SNX21: variants seen among roughly 807,000 people sequenced by gnomAD.
SNX21 encodes sorting nexin family member 21.
SNX21 carries 36 observed loss-of-function variants against 30.9 expected under a neutral mutation model. The ratio of observed to expected loss-of-function variants is 1.16; its 90% CI spans 0.89 to 1.54. The LOEUF is 1.54. Among genes scored for constraint, SNX21 ranks in the 40% most tolerant of loss-of-function variants. The pLI is 0.00. For missense variants in SNX21, 508 were observed against 516.5 expected, an observed-to-expected ratio of 0.98 and a Z score of 0.16; for synonymous variants, 218 against 222.7, an observed-to-expected ratio of 0.98 and a Z score of 0.19.
At chr20:45,838,610 C>T (rs774052427) in intron 3 of SNX21, among the ~76,000 whole-genome samples, 7 of 151,698 alleles carry the variant, frequency 4.6e-5, no homozygotes, top group Admixed American at 6.6e-5. Flanking sequence ...AAAAATTAGC[C>T]GGATGTGGTG....
Position 45,842,894 on chromosome 20 carries a change from T to C in SNX21, c.*1581T>C, listed in dbSNP as rs1433631113. On this transcript the variant is annotated 3_prime_UTR_variant, in exon 4 of 4. Coordinates refer to ENST00000491381, the MANE Select transcript of SNX21 (RefSeq NM_033421.4). ...CTTGGTTTATCAAGCAAAGCTTTTC[T>C]TCATTTGAAATGTACTCCCTTGGAA... 1.0e-6 allele frequency: 1 copy of C among 998,616 alleles called. No individual in the cohort carries two copies. Among genetic ancestry groups the C allele is most frequent in the Non-Finnish European group, 1.2e-6 (1 of 837,060 alleles). 61.9% of individuals were successfully genotyped at this position (998,616 alleles called of 1,614,324 possible). A position where few individuals can be genotyped will look rare whatever the true frequency, so the allele number is the denominator to read the frequency against.
intron 1 of SNX21, 85 bp downstream of exon 1, chr20:45,834,025 TG>T: frequency 7.0e-7 from 1 of 1,423,578 alleles, no homozygotes; most frequent in Non-Finnish European, 9.2e-7. Context: ...CTGAGTGGGT[TG>T]GGGGGAAAGC....
rs959690355 is a variant in SNX21, at chr20:45,834,461, A to C, written c.282A>C (p.Glu94Asp). 1.2e-6 allele frequency: 2 copies of C among 1,603,020 alleles called. No individual in the cohort carries two copies. The highest frequency in any genetic ancestry group is 1.3e-5 in the African/African-American group (1 of 74,878). The change falls in exon 2 of 4, where the codon GAA (glutamate) becomes GAC (aspartate). Residue 94 changes from glutamate (E) to aspartate (D), a missense_variant. Physicochemically the swap from Glu to Asp is conservative, Grantham distance 45. Transcript: ENST00000491381. The part of the protein sequence containing the change: ...QLPLGDGTSG[E>D]DAERSPPPDG... Reference sequence around the variant, plus strand: ...CCCTCGGGGATGGGACGTCAGGAGAAGACGCAGGCGAGTGCAGGAGGACGG... The same window carrying C: ...CCCTCGGGGATGGGACGTCAGGAGACGACGCAGGCGAGTGCAGGAGGACGG...
chr20:45,841,017 C>T lies in SNX21; in HGVS notation c.826C>T (p.Pro276Ser). ...GCAGCTGCAAGCCCAGCTGGGCACCCCCTCTGGCCCAGACCGCCCCCTGCT... is the reference window on the plus strand; with the variant it reads ...GCAGCTGCAAGCCCAGCTGGGCACCTCCTCTGGCCCAGACCGCCCCCTGCT... Reference protein sequence around the residue: ...AWQLQAQLGTPSGPDRPLLTL... With the variant: ...AWQLQAQLGTSSGPDRPLLTL... The change falls in exon 4 of 4, where the codon CCC (proline) becomes TCC (serine). Residue 276 changes from proline to serine, a missense_variant. Transcript: ENST00000491381. The T allele has an allele frequency of 6.2e-7, 1 of 1,609,546 alleles. No individual in the cohort carries two copies. The highest frequency in any genetic ancestry group is 1.1e-5 in the South Asian group (1 of 90,776).
At position 45,843,018 on chromosome 20, in the gene SNX21, C is replaced by T; in HGVS notation, c.*1705C>T. 9.1e-7 allele frequency: 1 copy of T among 1,099,870 alleles called. No homozygotes were observed. Among genetic ancestry groups the T allele is most frequent in the Non-Finnish European group, 1.1e-6 (1 of 896,180 alleles). The allele number at this position is 1,099,870 out of a possible 1,614,324, so 68.1% of individuals were successfully genotyped here. A position where few individuals can be genotyped will look rare whatever the true frequency, so the allele number is the denominator to read the frequency against. On this transcript the variant is annotated 3_prime_UTR_variant, in exon 4 of 4. Coordinates refer to ENST00000491381, the MANE Select transcript of SNX21 (RefSeq NM_033421.4). ...AGGCCCTTAGGGACCACTGAATGCC[C>T]CGATCCCAATCAGGTTAATCAGAAT...
chr20:45,833,876 G>A lies in SNX21; in HGVS notation c.-44G>A. ...AGAACCCGGCCGACCTCCATGGGCT[G>A]CGGGGGGCTGCACCCGGACCCCTGG... On this transcript the variant is annotated 5_prime_UTR_variant, in exon 1 of 4. Coordinates refer to ENST00000491381, the MANE Select transcript of SNX21 (RefSeq NM_033421.4). 7.5e-7 allele frequency: 1 copy of A among 1,337,960 alleles called. No individual in the cohort carries two copies. The highest frequency in any genetic ancestry group is 3.9e-5 in the Admixed American group (1 of 25,506). The allele number at this position is 1,337,960 out of a possible 1,614,324, so 82.9% of individuals were successfully genotyped here.
intron 3 of SNX21, chr20:45,840,378 G>C: frequency 6.2e-7 from 1 of 1,614,032 alleles, no homozygotes; most frequent in Non-Finnish European, 8.5e-7. Context: ...AAAAGGGGCA[G>C]CAGCCCCGGG....
Position 45,840,846 on chromosome 20 carries a change from T to C in SNX21, c.655T>C (p.Phe219Leu), listed in dbSNP as rs766802909. 1 of 1,613,674 alleles carries C rather than the reference T, an allele frequency of 6.2e-7. No individual in the cohort carries two copies. Among genetic ancestry groups the C allele is most frequent in the Non-Finnish European group, 8.5e-7 (1 of 1,180,006 alleles). ...IARRSRAFEQ[F>L]LGHLQAVPEL... ...CCGCCGTAGCCGGGCCTTTGAGCAG[T>C]TTTTGGGTCACCTGCAGGCAGTGCC... The change falls in exon 4 of 4, where the codon TTT becomes CTT. Residue 219 changes from phenylalanine to leucine, a missense_variant. Phe to Leu is a conservative substitution (Grantham distance 22). Transcript: ENST00000491381.
Position 45,841,291 on chromosome 20 carries a change from T to A in SNX21, c.1100T>A (p.Leu367His). 6.3e-7 allele frequency: 1 copy of A among 1,575,370 alleles called. No individual in the cohort carries two copies. The highest frequency in any genetic ancestry group is 8.6e-7 in the Non-Finnish European group (1 of 1,163,830). ...PTPPPSLKEL[L>H]IKEVLD ...CCACCCCCCAGTCTCAAAGAATTGC[T>A]CATCAAGGAGGTGCTGGACTAACCC... Residue 367 changes from leucine to histidine, a missense_variant, in exon 4 of 4, where the codon CTC (leucine) becomes CAC (histidine). By Grantham distance (99) the Leu-to-His change is moderately conservative (BLOSUM62 -3). Transcript: ENST00000491381.
intron 3 of SNX21, among the ~76,000 whole-genome samples, chr20:45,839,295 C>T (rs1467943298): frequency 6.6e-6 from 1 of 152,092 alleles, no homozygotes; most frequent in East Asian, 1.9e-4. Flanking sequence ...GCGGGCGGAT[C>T]ACAAGGTCAG....
At chr20:45,838,754 TAAATA>T (rs1212347811) in intron 3 of SNX21, among the ~76,000 whole-genome samples, 1 of 151,816 alleles carries the variant, frequency 6.6e-6, no homozygotes, top group African/African-American at 2.4e-5. Context: ...ACTAAATAAA[TAAATA>T]AAGTAAATAA....
chr20:45,836,675 G>A (rs893296852), intron 3 of SNX21, among the ~76,000 whole-genome samples: 1 of 152,024 alleles, frequency 6.6e-6, no homozygotes, highest in African/African-American at 2.4e-5. Context: ...CAATGATGAA[G>A]TCTGAAGTGG....
intron 3 of SNX21, chr20:45,840,075 G>T (rs1161566892): frequency 2.2e-6 from 2 of 901,410 alleles, no homozygotes; most frequent in South Asian, 5.1e-5. Flanking sequence ...CCCAGAGGGG[G>T]ACTCCCTTGC....
chr20:45,839,636 T>G (rs892460586), intron 3 of SNX21, among the ~76,000 whole-genome samples: 14 of 152,126 alleles, frequency 9.2e-5, no homozygotes, highest in African/African-American at 3.4e-4. Context: ...ATGCCTGTAA[T>G]CTTAGCACTT....
At position 45,834,201 on chromosome 20, in the gene SNX21, G is replaced by T. The variant is rs779404871; in HGVS notation, c.22G>T (p.Gly8Cys). Residue 8 changes from glycine to cysteine, a missense_variant and splice_region_variant, in exon 2 of 4, where the codon GGT becomes TGT. Physicochemically the swap from Gly to Cys is radical, Grantham distance 159. Coordinates refer to ENST00000491381, the MANE Select transcript of SNX21 (RefSeq NM_033421.4). Reference sequence around the variant, plus strand: ...ACACAGCGTCGCGCGCTCCCCCCAGGGTGCCATGGCCTCCCGGCTCCTGCA... The same window carrying T: ...ACACAGCGTCGCGCGCTCCCCCCAGTGTGCCATGGCCTCCCGGCTCCTGCA... MHRGTQEGAMASRLLHRL... is the reference protein window; with the variant it reads MHRGTQECAMASRLLHRL... 17 of 1,513,032 alleles carry T rather than the reference G, an allele frequency of 1.1e-5. No homozygotes were observed. The highest frequency in any genetic ancestry group is 1.0e-4 in the South Asian group (8 of 77,102). 93.7% of individuals were successfully genotyped at this position (1,513,032 alleles called of 1,614,324 possible). A position where few individuals can be genotyped will look rare whatever the true frequency, so the allele number is the denominator to read the frequency against.
rs1983992239 is a variant in SNX21 at position 45,840,644 on chromosome 20, C to T, written c.453C>T (p.Tyr151=). The stretch of plus-strand genomic sequence containing the variant: ...GACACCCACCCTCCCTGCAGCTCTA[C>T]ACCCTCGCCGTGATCGGCCCAGGAC... ...VKDPPSKYVL[Y]TLAVIGPGPP... is the part of the protein sequence containing the mutation. Residue 151 remains tyrosine, a synonymous_variant, in exon 4 of 4, where the codon TAC becomes TAT. Coordinates refer to ENST00000491381, the MANE Select transcript of SNX21 (RefSeq NM_033421.4). 2 of 1,614,186 alleles carry T rather than the reference C, an allele frequency of 1.2e-6. No homozygotes were observed. Among genetic ancestry groups the T allele is most frequent in the South Asian group, 2.2e-5 (2 of 91,088 alleles).
At chr20:45,834,010 C>A in intron 1 of SNX21, 70 bp downstream of exon 1, 1 of 1,431,060 alleles carries the variant, frequency 7.0e-7, no homozygotes, top group Non-Finnish European at 9.1e-7. Flanking sequence ...GAACGCGGTC[C>A]TAGGCTGAGT....
rs1365218537 is a variant in SNX21 at position 45,834,443 on chromosome 20, G to T, written c.264G>T (p.Gly88=). The change falls in exon 2 of 4, where the codon GGG becomes GGT. Residue 88 remains glycine (G), a synonymous_variant. Transcript: ENST00000491381. ...EEAGPDQLPL[G]DGTSGEDAER... Reference sequence around the variant, plus strand: ...CTGGCCCTGACCAGCTGCCCCTCGGGGATGGGACGTCAGGAGAAGACGCAG... The same window carrying T: ...CTGGCCCTGACCAGCTGCCCCTCGGTGATGGGACGTCAGGAGAAGACGCAG... 3.1e-6 allele frequency: 5 copies of T among 1,605,802 alleles called. No homozygotes were observed. The African/African-American group carries it at 5.3e-5, about 17-fold the overall frequency.
In SNX21 at chr20:45,834,204, G is replaced by T; in HGVS notation, c.25G>T (p.Ala9Ser). Reference sequence around the variant, plus strand: ...CAGCGTCGCGCGCTCCCCCCAGGGTGCCATGGCCTCCCGGCTCCTGCACCG... The same window carrying T: ...CAGCGTCGCGCGCTCCCCCCAGGGTTCCATGGCCTCCCGGCTCCTGCACCG... The part of the protein sequence containing the change: MHRGTQEG[A>S]MASRLLHRLR... The change falls in exon 2 of 4, where the codon GCC becomes TCC. Residue 9 changes from alanine to serine, a missense_variant. Ala to Ser is a moderately conservative substitution (Grantham distance 99). Coordinates refer to ENST00000491381, the MANE Select transcript of SNX21 (RefSeq NM_033421.4). 1.3e-6 allele frequency: 2 copies of T among 1,521,130 alleles called. No individual in the cohort carries two copies. The highest frequency in any genetic ancestry group is 2.3e-5 in the East Asian group (1 of 43,308). 94.2% of individuals were successfully genotyped at this position (1,521,130 alleles called of 1,614,324 possible).
Sources: allele counts gnomAD v4.1 joint callset (sites outside exome capture counted in the v4.1 genomes callset), GRCh38; gene constraint gnomAD v4.1.1; transcripts MANE v1.5; gene names NCBI Gene and HGNC (gene_info 2026-07-23, HGNC 2026-07-21).